The following PRKN variants were observed in gnomAD, a reference collection of about 807,000 sequenced individuals.
The protein encoded by PRKN is E3 ubiquitin-protein ligase parkin.
A neutral mutation model predicts 59.5 loss-of-function variants in PRKN; 56 were observed. That is an observed-to-expected ratio of 0.94 (90% CI 0.76 to 1.18). PRKN has a LOEUF of 1.18. PRKN is among the 50% of genes most tolerant of loss of function. The pLI, the probability that PRKN is intolerant of heterozygous loss-of-function variation, is 0.00. For synonymous variants in PRKN, 250 were observed against 222.1 expected, an observed-to-expected ratio of 1.13 and a Z score of -1.12; for missense variants, 657 against 596.4, an observed-to-expected ratio of 1.10 and a Z score of -1.06.
chr6:161,572,153 T>C lies in PRKN; in HGVS notation c.872-2737A>G, dbSNP rs576613640. Among the ~76,000 whole-genome samples the C allele has an allele frequency of 3.9e-5, 6 of 152,306 alleles. No homozygotes were observed. In the South Asian group the frequency reaches 1.2e-3, roughly 32 times the overall value. On this transcript the variant is annotated intron_variant, in intron 7 of 11. Coordinates refer to ENST00000366898, the MANE Select transcript of PRKN (RefSeq NM_004562.3). ...GATCCTATAGACAGAAAGGTCCTGT[T>C]TCTTGGGAGAAGCCTGACTAATACA...
rs955228856 is a variant in PRKN, at chr6:161,399,144, C to T, written c.1084-12267G>A. Reference sequence around the variant, plus strand: ...AGATTGGCTGCTGGACGGCCCAACTCCAGGGGAAGATCATCTTTCTACTCC... The same window carrying T: ...AGATTGGCTGCTGGACGGCCCAACTTCAGGGGAAGATCATCTTTCTACTCC... On this transcript the variant is annotated intron_variant, in intron 9 of 11. Coordinates refer to ENST00000366898, the MANE Select transcript of PRKN (RefSeq NM_004562.3). The surrounding 1 kb of genome is among the most constrained non-coding windows in gnomAD (Gnocchi z 4.4). Among the ~76,000 whole-genome samples the T allele has an allele frequency of 2.0e-5, 3 of 152,148 alleles. No homozygotes were observed. Among genetic ancestry groups the T allele is most frequent in the Admixed American group, 1.3e-4 (2 of 15,272 alleles).
chr6:161,858,858 C>CTTTTTTTTTTTTTTTTTTTTTTT lies in PRKN; in HGVS notation c.735-72951_735-72950insAAAAAAAAAAAAAAAAAAAAAAA, dbSNP rs71544920. Among the ~76,000 whole-genome samples, 8 of 71,946 alleles carry CTTTTTTTTTTTTTTTTTTTTTTT rather than the reference C, an allele frequency of 1.1e-4. 1 individual carries two copies. The highest frequency in any genetic ancestry group is 1.9e-4 in the Non-Finnish European group (7 of 37,044). The allele number at this position is 71,946 out of a possible 152,430, so 47.2% of individuals were successfully genotyped here. ...CTTTCAATTAACTAGCACAGCTGTA[C>CTTTTTTTTTTTTTTTTTTTTTTT]TTTTTTTTTTTTTTTTTTTTGAGAC... On this transcript the variant is annotated intron_variant, in intron 6 of 11. Coordinates refer to ENST00000366898, the MANE Select transcript of PRKN (RefSeq NM_004562.3).
At chr6:162,368,990 T>C (rs1207017048) in intron 2 of PRKN, among the ~76,000 whole-genome samples, 2 of 152,224 alleles carry the variant, frequency 1.3e-5, no homozygotes, top group Non-Finnish European at 2.9e-5. Context: ...ACATGTTGCA[T>C]GGACACTAGC....
chr6:161,634,357 C>T (rs780022006), intron 7 of PRKN, among the ~76,000 whole-genome samples: 5 of 152,182 alleles, frequency 3.3e-5, no homozygotes, highest in Non-Finnish European at 7.3e-5. Context: ...CATAGGCAGA[C>T]GGTGCTCTGA....
chr6:161,508,318 G>A (rs1448310317), intron 9 of PRKN, among the ~76,000 whole-genome samples: 1 of 152,210 alleles, frequency 6.6e-6, no homozygotes, highest in African/African-American at 2.4e-5. Context: ...AATGGAAAAT[G>A]CCCCCAAAGG....
chr6:162,162,001 G>A (rs2187202), intron 4 of PRKN, among the ~76,000 whole-genome samples: 149,506 of 152,276 alleles, frequency 0.98, 73,448 homozygotes, highest in Middle Eastern at 1. Context: ...TCAACCAAAA[G>A]AAACAAAATG....
chr6:161,359,184 T>G lies in PRKN; in HGVS notation c.1285+904A>C, dbSNP rs1784883279. Among the ~76,000 whole-genome samples, 1 of 152,178 alleles carries G rather than the reference T, an allele frequency of 6.6e-6. No individual in the cohort carries two copies. Among genetic ancestry groups the G allele is most frequent in the Non-Finnish European group, 1.5e-5 (1 of 68,032 alleles). On this transcript the variant is annotated intron_variant, in intron 11 of 11. Coordinates refer to ENST00000366898, the MANE Select transcript of PRKN (RefSeq NM_004562.3). This position sits in a 1 kb window ranked among gnomAD's most constrained non-coding sequence, Gnocchi z 5.4. ...GAGTAATAAGGACACGCTGGGTAAA[T>G]TATTTATTTTCTCTGCAGGAAGCCA...
chr6:161,379,832 T>C lies in PRKN; in HGVS notation c.1167+6962A>G, dbSNP rs924194158. On this transcript the variant is annotated intron_variant, in intron 10 of 11. Coordinates refer to ENST00000366898, the MANE Select transcript of PRKN (RefSeq NM_004562.3). The surrounding 1 kb of genome is among the most constrained non-coding windows in gnomAD (Gnocchi z 4.9). ...CCCCACAGCATCCTCCAGTACACAGTCTGCACTCGAATCTCAAGCAGCTCA... is the reference window on the plus strand; with the variant it reads ...CCCCACAGCATCCTCCAGTACACAGCCTGCACTCGAATCTCAAGCAGCTCA... 1.3e-5 allele frequency among the ~76,000 whole-genome samples: 2 copies of C among 152,216 alleles called. No individual in the cohort carries two copies. The highest frequency in any genetic ancestry group is 2.9e-5 in the Non-Finnish European group (2 of 68,034).
At chr6:162,450,294 C>T (rs1258547908) in intron 1 of PRKN, among the ~76,000 whole-genome samples, 2 of 131,368 alleles carry the variant, frequency 1.5e-5, no homozygotes, top group African/African-American at 7.5e-5. Context: ...TTGAGTGTAA[C>T]ACCCCTGTGA....
chr6:162,400,823 A>T (rs545253001), intron 2 of PRKN, among the ~76,000 whole-genome samples: 1 of 152,190 alleles, frequency 6.6e-6, no homozygotes. Flanking sequence ...TCAGGCCCCA[A>T]TAAAATATGA....
At chr6:162,568,584 AAGGAGC>A in intron 1 of PRKN, 1 of 779,650 alleles carries the variant, frequency 1.3e-6, no homozygotes. Flanking sequence ...GGAGAAGGAG[AAGGAGC>A]AGATCAGGAC....
At chr6:161,383,788 T>C (rs1000967875) in intron 10 of PRKN, among the ~76,000 whole-genome samples, 2 of 152,130 alleles carry the variant, frequency 1.3e-5, no homozygotes, top group African/African-American at 4.8e-5. Flanking sequence ...TTCATTAACA[T>C]CTCCTCCTGT....
chr6:161,854,716 T>G (rs1269002846), intron 6 of PRKN, among the ~76,000 whole-genome samples: 1 of 152,130 alleles, frequency 6.6e-6, no homozygotes, highest in African/African-American at 2.4e-5. Flanking sequence ...TTATTCCTGG[T>G]GTTCTCTTGG....
intron 5 of PRKN, among the ~76,000 whole-genome samples, chr6:162,049,410 G>C (rs1342006918): frequency 6.6e-6 from 1 of 152,104 alleles, no homozygotes; most frequent in South Asian, 2.1e-4. Flanking sequence ...GGTTTTAAGA[G>C]AGAGTGAAAG....
At chr6:161,781,826 T>G (rs1008873768) in intron 7 of PRKN, among the ~76,000 whole-genome samples, 1 of 152,230 alleles carries the variant, frequency 6.6e-6, no homozygotes, top group Non-Finnish European at 1.5e-5. Flanking sequence ...ATGCTCAACT[T>G]TGTTTAAAAT....
chr6:162,442,523 TATCA>T, intron 2 of PRKN, among the ~76,000 whole-genome samples: 1 of 152,272 alleles, frequency 6.6e-6, no homozygotes, highest in South Asian at 2.1e-4. Flanking sequence ...ATGGTGGTAT[TATCA>T]GTCACCTCAC....
At position 161,407,270 on chromosome 6, in the gene PRKN, G is replaced by A. The variant is rs765539169; in HGVS notation, c.1084-20393C>T. ...ATGAGTGAGTCATAAATATAGAAAC[G>A]CACTGACTTGATAAATAAGAAACAA... On this transcript the variant is annotated intron_variant, in intron 9 of 11. Transcript: ENST00000366898. The surrounding 1 kb of genome is among the most constrained non-coding windows in gnomAD (Gnocchi z 4.9). Among the ~76,000 whole-genome samples the A allele has an allele frequency of 3.3e-5, 5 of 151,936 alleles. No individual in the cohort carries two copies. The highest frequency in any genetic ancestry group is 7.3e-5 in the African/African-American group (3 of 41,344).
At chr6:162,222,631 T>A (rs1777984106) in intron 3 of PRKN, among the ~76,000 whole-genome samples, 1 of 152,140 alleles carries the variant, frequency 6.6e-6, no homozygotes, top group Non-Finnish European at 1.5e-5. Context: ...CGTTGATCCA[T>A]CCTTGTGAGA....
intron 1 of PRKN, among the ~76,000 whole-genome samples, chr6:162,619,425 C>T (rs903399928): frequency 3.3e-5 from 5 of 151,918 alleles, no homozygotes; most frequent in East Asian, 3.9e-4. Context: ...GAAAACTATG[C>T]GTTTACTACT....
Sources: gnomAD v4.1 joint callset for allele counts (sites outside exome capture counted in the v4.1 genomes callset) on GRCh38, gnomAD v4.1.1 for gene constraint, Gnocchi (gnomAD v3.1) non-coding constraint, MANE v1.5 for transcripts, NCBI Gene and HGNC (gene_info 2026-07-23, HGNC 2026-07-21) for gene names.